IBTK: variants seen among roughly 807,000 people sequenced by gnomAD.
The protein encoded by IBTK is BTK-binding protein.
IBTK carries 83 observed loss-of-function variants against 154.9 expected under a neutral mutation model. The ratio of observed to expected loss-of-function variants is 0.54; its 90% CI spans 0.45 to 0.64. IBTK has a LOEUF of 0.64. Ranked by LOEUF, IBTK falls within the 30% of genes least tolerant of loss-of-function variation. The probability of loss-of-function intolerance (pLI) is 0.00; values close to 1 mark genes in which losing one functional copy is unlikely to be tolerated. For missense variants in IBTK, 1,332 were observed against 1,584.6 expected, an observed-to-expected ratio of 0.84 and a Z score of 2.71; for synonymous variants, 515 against 536.1, an observed-to-expected ratio of 0.96 and a Z score of 0.54.
chr6:82,171,621 G>A, intron 28 of IBTK, 65 bp from the exon 29 acceptor site: 1 of 1,406,606 alleles, frequency 7.1e-7, no homozygotes, highest in South Asian at 1.3e-5. Flanking sequence ...GGATGTATTT[G>A]CCTTCCAATT....
intron 4 of IBTK, 76 bp from the exon 5 acceptor site, chr6:82,227,378 ATTG>A (rs1457816441): frequency 1.2e-6 from 1 of 813,770 alleles, no homozygotes; most frequent in Non-Finnish European, 1.9e-6. Context: ...GAAATAGAAT[ATTG>A]TTAATTGTTT....
intron 4 of IBTK, among the ~76,000 whole-genome samples, chr6:82,230,808 C>T (rs1245330412): frequency 6.6e-6 from 1 of 152,136 alleles, no homozygotes; most frequent in African/African-American, 2.4e-5. Flanking sequence ...GATTTGTCAA[C>T]AGTAGCTGTA....
At position 82,170,465 on chromosome 6, in the gene IBTK, T is replaced by C. The variant is rs1767895687; in HGVS notation, c.*960A>G. Reference sequence around the variant, plus strand: ...AAATTTAACATTTGTTTTTGCAAAATTTAAACACTCAGAAACAAACCAAAC... The same window carrying C: ...AAATTTAACATTTGTTTTTGCAAAACTTAAACACTCAGAAACAAACCAAAC... On this transcript the variant is annotated 3_prime_UTR_variant, in exon 29 of 29. Transcript: ENST00000306270. The C allele has an allele frequency of 6.6e-6, 1 of 152,184 alleles. No individual in the cohort carries two copies. The highest frequency in any genetic ancestry group is 2.4e-5 in the African/African-American group (1 of 41,450). 9.4% of individuals were successfully genotyped at this position (152,184 alleles called of 1,614,324 possible).
intron 4 of IBTK, among the ~76,000 whole-genome samples, chr6:82,230,019 T>A (rs1041267092): frequency 6.6e-5 from 10 of 152,192 alleles, no homozygotes; most frequent in African/African-American, 2.4e-4. Flanking sequence ...TTATTTATCA[T>A]GCAAACATTT....
chr6:82,205,178 T>G, intron 16 of IBTK: 1 of 312,720 alleles, frequency 3.2e-6, no homozygotes, highest in South Asian at 1.0e-4. Context: ...ATTTTTTAGG[T>G]AGAAAGCTGA....
chr6:82,196,157 A>G (rs1275133788), intron 22 of IBTK, 141 bp downstream of exon 22: 2 of 660,106 alleles, frequency 3.0e-6, no homozygotes, highest in East Asian at 2.8e-5. Context: ...AAATTTAAGA[A>G]AACTAACACT....
Position 82,223,489 on chromosome 6 carries a change from C to T in IBTK, c.1075G>A (p.Gly359Arg). 1 of 1,613,984 alleles carries T rather than the reference C, an allele frequency of 6.2e-7. No individual in the cohort carries two copies. The highest frequency in any genetic ancestry group is 8.5e-7 in the Non-Finnish European group (1 of 1,179,904). Residue 359 changes from glycine to arginine, a missense_variant, in exon 8 of 29, where the codon GGA (glycine) becomes AGA (arginine). This residue lies in a region of IBTK where 1,134 missense variants were observed against 1,274.7 expected (regional missense o/e 0.89). Coordinates refer to ENST00000306270, the MANE Select transcript of IBTK (RefSeq NM_015525.4). ...DGATVCVTTRGDIYLLADYQC... is the reference protein window; with the variant it reads ...DGATVCVTTRRDIYLLADYQC... ...TAGTCTGCAAGTAAGTAAATATCTCCCCTTGTGGTAACACAGACTGTAGCT... is the reference window on the plus strand; with the variant it reads ...TAGTCTGCAAGTAAGTAAATATCTCTCCTTGTGGTAACACAGACTGTAGCT...
At position 82,216,123 on chromosome 6, in the gene IBTK, A is replaced by G; in HGVS notation, c.1554T>C (p.Asp518=). The change falls in exon 11 of 29, where the codon GAT becomes GAC. Residue 518 remains aspartate, a synonymous_variant. Coordinates refer to ENST00000306270, the MANE Select transcript of IBTK (RefSeq NM_015525.4). The part of the protein sequence containing the change: ...FAHRAVSVST[D]PSGCNFAILQ... The stretch of plus-strand genomic sequence containing the variant: ...GGATTGCAAAGTTGCATCCACTTGG[A>G]TCTGTGCTGACACTAACAGCTCTAT... 1 of 1,612,984 alleles carries G rather than the reference A, an allele frequency of 6.2e-7. No individual in the cohort carries two copies. The highest frequency in any genetic ancestry group is 2.2e-5 in the East Asian group (1 of 44,830).
intron 21 of IBTK, 127 bp downstream of exon 21, chr6:82,200,014 C>T (rs1016607137): frequency 4.7e-6 from 3 of 638,652 alleles, no homozygotes; most frequent in Non-Finnish European, 5.4e-6. Flanking sequence ...AACTGGAGTA[C>T]TTACAATAAA....
At chr6:82,176,801 C>G (rs1002071581) in intron 26 of IBTK, among the ~76,000 whole-genome samples, 1 of 151,982 alleles carries the variant, frequency 6.6e-6, no homozygotes, top group African/African-American at 2.4e-5. Context: ...ATGAGTCCCC[C>G]ACCCCTGGCA....
At chr6:82,222,169 CAAAAAAA>C (rs57962676) in intron 8 of IBTK, among the ~76,000 whole-genome samples, 1 of 98,480 alleles carries the variant, frequency 1.0e-5, no homozygotes, top group Non-Finnish European at 2.2e-5. Flanking sequence ...GACAATGTCT[CAAAAAAA>C]AAAAAAAAAA....
intron 24 of IBTK, 28 bp from the exon 25 acceptor site, chr6:82,191,244 G>A (rs763784184): frequency 6.4e-7 from 1 of 1,568,748 alleles, no homozygotes; most frequent in Non-Finnish European, 8.6e-7. Flanking sequence ...TAGTTTCAGT[G>A]GTTTCTTCTG....
intron 1 of IBTK, among the ~76,000 whole-genome samples, chr6:82,246,186 TAGTGTAGTAGAAAAA>T (rs1273046196): frequency 1.9e-4 from 29 of 152,100 alleles, no homozygotes; most frequent in Non-Finnish European, 4.0e-4. Context: ...GCAAGTAGTA[TAGTGTAGTAGAAAAA>T]AGTACCATGG....
At chr6:82,224,363 G>A (rs114159249) in intron 6 of IBTK, among the ~76,000 whole-genome samples, 178 bp from the exon 7 acceptor site, 1,805 of 152,204 alleles carry the variant, frequency 0.012, 43 homozygotes, top group African/African-American at 0.04. Context: ...AATCCTTCTC[G>A]GAACACAAAA....
intron 15 of IBTK, 91 bp from the exon 16 acceptor site, chr6:82,211,001 T>G: frequency 1.7e-6 from 1 of 601,538 alleles, no homozygotes; most frequent in East Asian, 3.3e-5. Context: ...CAAAACACTC[T>G]GAACAGGAAA....
chr6:82,171,337 T>G lies in IBTK; in HGVS notation c.*88A>C. 9.2e-7 allele frequency: 1 copy of G among 1,081,732 alleles called. No homozygotes were observed. The highest frequency in any genetic ancestry group is 1.3e-6 in the Non-Finnish European group (1 of 746,258). The allele number at this position is 1,081,732 out of a possible 1,614,324, so 67.0% of individuals were successfully genotyped here. On this transcript the variant is annotated 3_prime_UTR_variant, in exon 29 of 29. Transcript: ENST00000306270. ...TTTCTTAATCTATTTAGAATGATAT[T>G]ACAAAATCTCTAAGACTCTTTTCCA...
intron 11 of IBTK, among the ~76,000 whole-genome samples, chr6:82,215,787 A>AG (rs1256869284): frequency 6.6e-6 from 1 of 151,600 alleles, no homozygotes; most frequent in Non-Finnish European, 1.5e-5. Flanking sequence ...TCTCAAAAAA[A>AG]AAAAAAAAAA....
At chr6:82,189,176 G>T (rs1316997619) in intron 25 of IBTK, 2 of 266,848 alleles carry the variant, frequency 7.5e-6, no homozygotes, top group Non-Finnish European at 1.5e-5. Flanking sequence ...TTAAAGACAT[G>T]CTGTTGCCAA....
chr6:82,214,088 T>C, intron 12 of IBTK, 139 bp downstream of exon 12: 1 of 718,228 alleles, frequency 1.4e-6, no homozygotes, highest in Non-Finnish European at 2.3e-6. Flanking sequence ...CCTGAGTAGC[T>C]GGGACTACAG....
Sources: gnomAD v4.1 joint callset for allele counts (sites outside exome capture counted in the v4.1 genomes callset) on GRCh38, gnomAD v4.1.1 for gene constraint, gnomAD v4.1.1 regional missense constraint, MANE v1.5 for transcripts, NCBI Gene and HGNC (gene_info 2026-07-23, HGNC 2026-07-21) for gene names.